Variants in MYMK observed in about 807,000 individuals in gnomAD.
MYMK encodes myomaker, myoblast fusion factor.
A neutral mutation model predicts 22.4 loss-of-function variants in MYMK; 16 were observed. The ratio of observed to expected loss-of-function variants is 0.72; its 90% CI spans 0.48 to 1.09. The LOEUF is 1.09. Among genes scored for constraint, MYMK ranks in the 50% least tolerant of loss-of-function variants. MYMK has a pLI of 0.00. For synonymous variants in MYMK, 125 were observed against 127.0 expected (o/e 0.98, Z 0.11); for missense variants, 250 against 295.6 (o/e 0.85, Z 1.13).
rs1394569407 is a variant in MYMK, at chr9:133,520,138, G to A, written c.250+36C>T. 6 of 1,567,264 alleles carry A rather than the reference G, an allele frequency of 3.8e-6. No individual in the cohort carries two copies. In the South Asian group the frequency reaches 6.7e-5, roughly 17 times the overall value. On this transcript the variant is annotated intron_variant, in intron 2 of 4. Coordinates refer to ENST00000339996, the MANE Select transcript of MYMK (RefSeq NM_001080483.3). ...TGCGGACACTGGGGAGCCGGTCCTT[G>A]TCCGCAAGGCTTGTCTGCAGGGGTT...
chr9:133,521,962 C>T (rs1235213806), intron 1 of MYMK, among the ~76,000 whole-genome samples: 6 of 152,342 alleles, frequency 3.9e-5, no homozygotes, highest in South Asian at 4.1e-4. Context: ...GTTGCATGGA[C>T]GGCTCCCAGC....
chr9:133,520,138 G>C, intron 2 of MYMK, 36 bp downstream of exon 2: 1 of 1,567,382 alleles, frequency 6.4e-7, no homozygotes, highest in Non-Finnish European at 8.8e-7. Context: ...GCCGGTCCTT[G>C]TCCGCAAGGC....
In MYMK at chr9:133,515,698, G is replaced by T; in HGVS notation, c.400-91C>A. On this transcript the variant is annotated intron_variant, in intron 3 of 4. Transcript: ENST00000339996. The surrounding 1 kb of genome is among the most constrained non-coding windows in gnomAD (Gnocchi z 5.8). ...CCAGCCCGAGAGCTGGCCCTGCACAGGCTCACCCCAGCCCTCTCCCGGCAG... is the reference window on the plus strand; with the variant it reads ...CCAGCCCGAGAGCTGGCCCTGCACATGCTCACCCCAGCCCTCTCCCGGCAG... The T allele has an allele frequency of 1.2e-6, 1 of 816,430 alleles. No homozygotes were observed. The highest frequency in any genetic ancestry group is 2.1e-6 in the Non-Finnish European group (1 of 481,934). The allele number at this position is 816,430 out of a possible 1,614,324, so 50.6% of individuals were successfully genotyped here.
At chr9:133,514,813 G>A in intron 4 of MYMK, 28 bp from the exon 5 acceptor site, 2 of 1,603,352 alleles carry the variant, frequency 1.2e-6, no homozygotes, top group South Asian at 1.1e-5. Flanking sequence ...TCAGTCTGGG[G>A]CCTCAGCCCC....
chr9:133,515,346 G>GGTA lies in MYMK; in HGVS notation c.516+144_516+145insTAC. On this transcript the variant is annotated intron_variant, in intron 4 of 4. Coordinates refer to ENST00000339996, the MANE Select transcript of MYMK (RefSeq NM_001080483.3). The surrounding 1 kb of genome is among the most constrained non-coding windows in gnomAD (Gnocchi z 5.8). Reference sequence around the variant, plus strand: ...TTGCCCCCGACATAGCCCTGGGAGGGGCTAGTGAGCAGGGACTAATACCAG... The same window carrying GGTA: ...TTGCCCCCGACATAGCCCTGGGAGGGGTAGCTAGTGAGCAGGGACTAATACCAG... 1 of 658,048 alleles carries GGTA rather than the reference G, an allele frequency of 1.5e-6. No homozygotes were observed. The highest frequency in any genetic ancestry group is 1.8e-5 in the South Asian group (1 of 55,896). 40.8% of individuals were successfully genotyped at this position (658,048 alleles called of 1,614,324 possible).
At position 133,520,255 on chromosome 9, in the gene MYMK, C is replaced by T. The variant is rs1844685803; in HGVS notation, c.169G>A (p.Val57Met). 1 of 1,614,018 alleles carries T rather than the reference C, an allele frequency of 6.2e-7. No homozygotes were observed. The highest frequency in any genetic ancestry group is 8.5e-7 in the Non-Finnish European group (1 of 1,180,038). The change falls in exon 2 of 5, where the codon GTG becomes ATG. Residue 57 changes from valine (V) to methionine (M), a missense_variant. Transcript: ENST00000339996. Reference protein sequence around the residue: ...HHACNGPGLSVLCFMRHDILE... With the variant: ...HHACNGPGLSMLCFMRHDILE... ...ATGTCGTGACGCATGAAGCACAGCA[C>T]AGACAAGCCGGGTCCATTGCAGGCA...
At chr9:133,519,553 C>G (rs1179973724) in intron 2 of MYMK, among the ~76,000 whole-genome samples, 2 of 152,164 alleles carry the variant, frequency 1.3e-5, no homozygotes, top group East Asian at 3.9e-4. Context: ...GAGTGAGACC[C>G]TGTGGCTAAA....
At chr9:133,520,780 C>T (rs1844694705) in intron 1 of MYMK, among the ~76,000 whole-genome samples, 1 of 152,158 alleles carries the variant, frequency 6.6e-6, no homozygotes, top group Non-Finnish European at 1.5e-5. Context: ...GCTCCTGGGG[C>T]CTTCTCTTGC....
chr9:133,521,596 T>C (rs1443709781), intron 1 of MYMK, among the ~76,000 whole-genome samples: 1 of 152,182 alleles, frequency 6.6e-6, no homozygotes, highest in Non-Finnish European at 1.5e-5. Context: ...TCCAGAAGAC[T>C]ATGCCGAGCT....
In MYMK at chr9:133,520,160, G is replaced by A. The variant is rs943042548; in HGVS notation, c.250+14C>T. On this transcript the variant is annotated intron_variant, in intron 2 of 4. Transcript: ENST00000339996. ...CTTGTCCGCAAGGCTTGTCTGCAGG[G>A]GTTGACCACTCACCCATCAGCGAGA... 4 of 1,604,832 alleles carry A rather than the reference G, an allele frequency of 2.5e-6. No individual in the cohort carries two copies. Among genetic ancestry groups the A allele is most frequent in the Admixed American group, 3.3e-5 (2 of 59,996 alleles).
At chr9:133,517,227 G>A (rs1195064178) in intron 3 of MYMK, among the ~76,000 whole-genome samples, 1 of 152,116 alleles carries the variant, frequency 6.6e-6, no homozygotes, top group Non-Finnish European at 1.5e-5. Flanking sequence ...GCTCCTTCCT[G>A]CCACCCACCT....
intron 1 of MYMK, 122 bp from the exon 2 acceptor site, chr9:133,520,410 G>C (rs1456484326): frequency 3.2e-5 from 23 of 722,424 alleles, no homozygotes; most frequent in Non-Finnish European, 4.9e-6. Flanking sequence ...GTCACTTAAT[G>C]ACTGTGTGCC....
chr9:133,520,035 C>G, intron 2 of MYMK, 139 bp downstream of exon 2: 1 of 630,416 alleles, frequency 1.6e-6, no homozygotes, highest in East Asian at 2.7e-5. Context: ...CCCTGAAACC[C>G]AGACAAGGGA....
At chr9:133,522,824 C>T (rs1844716638) in intron 1 of MYMK, among the ~76,000 whole-genome samples, 3 of 152,340 alleles carry the variant, frequency 2.0e-5, no homozygotes, top group South Asian at 2.1e-4. Context: ...CCCAGAGGAG[C>T]GAATGCAGTG....
At chr9:133,523,734 G>A (rs1844731768) in intron 1 of MYMK, among the ~76,000 whole-genome samples, 1 of 146,016 alleles carries the variant, frequency 6.8e-6, no homozygotes, top group South Asian at 2.2e-4. Context: ...GCTGGAGAAG[G>A]TGGATAGCTA....
chr9:133,520,146 G>A, intron 2 of MYMK, 28 bp downstream of exon 2: 1 of 1,588,964 alleles, frequency 6.3e-7, no homozygotes. Flanking sequence ...TTGTCCGCAA[G>A]GCTTGTCTGC....
chr9:133,519,074 C>T (rs768033261), intron 2 of MYMK, 52 bp from the exon 3 acceptor site: 2 of 1,605,766 alleles, frequency 1.2e-6, no homozygotes, highest in East Asian at 4.5e-5. Context: ...TCTTGCTCCT[C>T]CTGGCTACCC....
rs1410891404 is a variant in MYMK at position 133,518,599 on chromosome 9, T to C, written c.399+275A>G. Among the ~76,000 whole-genome samples, 3 of 152,322 alleles carry C rather than the reference T, an allele frequency of 2.0e-5. No homozygotes were observed. The East Asian group carries it at 5.8e-4, about 29-fold the overall frequency. On this transcript the variant is annotated intron_variant, in intron 3 of 4. Transcript: ENST00000339996. ...CCATGAGACAGGCAGGGGGCTGTAA[T>C]GACAACACCTGCTTTACAGGTACGG...
chr9:133,515,674 C>G lies in MYMK; in HGVS notation c.400-67G>C, dbSNP rs912139850. 9.2e-7 allele frequency: 1 copy of G among 1,089,922 alleles called. No homozygotes were observed. Among genetic ancestry groups the G allele is most frequent in the East Asian group, 2.4e-5 (1 of 41,994 alleles). 67.5% of individuals were successfully genotyped at this position (1,089,922 alleles called of 1,614,324 possible). A position where few individuals can be genotyped will look rare whatever the true frequency, so the allele number is the denominator to read the frequency against. On this transcript the variant is annotated intron_variant, in intron 3 of 4. Coordinates refer to ENST00000339996, the MANE Select transcript of MYMK (RefSeq NM_001080483.3). This position sits in a 1 kb window ranked among gnomAD's most constrained non-coding sequence, Gnocchi z 5.8. ...CACTGGGGAACGCCCCTCCCCAAAC[C>G]AGCCCGAGAGCTGGCCCTGCACAGG... is the stretch of plus-strand genomic sequence containing the variant.
Sources: allele counts gnomAD v4.1 joint callset (sites outside exome capture counted in the v4.1 genomes callset), GRCh38; gene constraint gnomAD v4.1.1; non-coding constraint Gnocchi (gnomAD v3.1); transcripts MANE v1.5; gene names NCBI Gene and HGNC (gene_info 2026-07-23, HGNC 2026-07-21).